RPS6KB1: variants seen among roughly 807,000 people sequenced by gnomAD.
RPS6KB1 encodes ribosomal protein S6 kinase B1, also known as ribosomal protein S6 kinase beta-1.
In RPS6KB1, 12 loss-of-function variants were observed where a neutral mutation model predicts 70.2. The ratio of observed to expected loss-of-function variants is 0.17; its 90% CI spans 0.11 to 0.28. RPS6KB1 has a LOEUF of 0.28. Ranked by LOEUF, RPS6KB1 falls within the 10% of genes least tolerant of loss-of-function variation. RPS6KB1 has a pLI of 1.00. For missense variants in RPS6KB1, 270 were observed against 646.6 expected, an observed-to-expected ratio of 0.42 and a Z score of 6.32; for synonymous variants, 175 against 211.2, an observed-to-expected ratio of 0.83 and a Z score of 1.49.
At chr17:59,903,218 T>G (rs2042061595) in intron 1 of RPS6KB1, among the ~76,000 whole-genome samples, 1 of 151,598 alleles carries the variant, frequency 6.6e-6, no homozygotes, top group South Asian at 2.1e-4. Context: ...AGGCAAAGAA[T>G]TGCTTGAACC....
intron 10 of RPS6KB1, 58 bp from the exon 11 acceptor site, chr17:59,936,157 A>G (rs2044223025): frequency 2.5e-6 from 2 of 789,452 alleles, no homozygotes; most frequent in African/African-American, 1.9e-5. Context: ...TCTAAAAAGG[A>G]AAAAAAAAAA....
chr17:59,930,412 C>T (rs779316106), intron 6 of RPS6KB1: 7 of 395,192 alleles, frequency 1.8e-5, no homozygotes, highest in Admixed American at 8.7e-5. Flanking sequence ...ATTCTCATTG[C>T]GGCTTTCTTT....
In RPS6KB1 at chr17:59,950,009, A is replaced by G. The variant is rs2145101816; in HGVS notation, c.*3221A>G. 6.5e-6 allele frequency: 1 copy of G among 152,706 alleles called. No individual in the cohort carries two copies. Among genetic ancestry groups the G allele is most frequent in the East Asian group, 1.9e-4 (1 of 5,196 alleles). 9.5% of individuals were successfully genotyped at this position (152,706 alleles called of 1,614,324 possible). On this transcript the variant is annotated 3_prime_UTR_variant, in exon 15 of 15. Transcript: ENST00000225577. Reference sequence around the variant, plus strand: ...AGGCTTTGAAAATGGTTAATTTCTCAAAAACATCAATGTCCAAACATCTAC... The same window carrying G: ...AGGCTTTGAAAATGGTTAATTTCTCGAAAACATCAATGTCCAAACATCTAC...
intron 5 of RPS6KB1, among the ~76,000 whole-genome samples, chr17:59,929,134 G>GTT (rs768166469): frequency 2.9e-5 from 4 of 140,292 alleles, no homozygotes; most frequent in Non-Finnish European, 4.7e-5. Flanking sequence ...CAGTTTTGTT[G>GTT]TTTTTTTTTT....
At chr17:59,895,494 T>C (rs1417986254) in intron 1 of RPS6KB1, among the ~76,000 whole-genome samples, 1 of 151,466 alleles carries the variant, frequency 6.6e-6, no homozygotes, top group Non-Finnish European at 1.5e-5. Flanking sequence ...GCTACTTTTT[T>C]TGTATTTTAG....
At chr17:59,902,775 G>A (rs1291502047) in intron 1 of RPS6KB1, among the ~76,000 whole-genome samples, 2 of 152,042 alleles carry the variant, frequency 1.3e-5, no homozygotes, top group South Asian at 2.1e-4. Context: ...TGGGGGTCTC[G>A]TGATTTTGTC....
intron 4 of RPS6KB1, among the ~76,000 whole-genome samples, chr17:59,918,053 C>T (rs1006397461): frequency 6.6e-6 from 1 of 151,898 alleles, no homozygotes; most frequent in Non-Finnish European, 1.5e-5. Context: ...CCTGCCTCAG[C>T]CTCCCGAGTA....
intron 1 of RPS6KB1, among the ~76,000 whole-genome samples, chr17:59,905,104 C>G (rs868622501): frequency 1.2e-4 from 19 of 152,076 alleles, no homozygotes; most frequent in African/African-American, 4.6e-4. Flanking sequence ...GCAGCCTTGA[C>G]CTCTTGGACT....
intron 1 of RPS6KB1, among the ~76,000 whole-genome samples, chr17:59,906,512 A>G (rs543164621): frequency 4.9e-4 from 74 of 152,014 alleles, no homozygotes; most frequent in Middle Eastern, 3.4e-3. Flanking sequence ...ACAAGCATGG[A>G]TGACCACTCC....
At chr17:59,902,234 A>T (rs901106382) in intron 1 of RPS6KB1, among the ~76,000 whole-genome samples, 1 of 149,864 alleles carries the variant, frequency 6.7e-6, no homozygotes, top group Non-Finnish European at 1.5e-5. Flanking sequence ...CCTCCTGAGT[A>T]GCTGGGACCA....
At chr17:59,899,815 G>A (rs999784777) in intron 1 of RPS6KB1, among the ~76,000 whole-genome samples, 10 of 152,026 alleles carry the variant, frequency 6.6e-5, no homozygotes, top group Non-Finnish European at 1.5e-4. Context: ...CCATGAGTGA[G>A]TTATGACTAA....
intron 1 of RPS6KB1, among the ~76,000 whole-genome samples, chr17:59,895,742 C>T (rs559473574): frequency 3.7e-4 from 56 of 152,232 alleles, no homozygotes; most frequent in African/African-American, 1.2e-3. Context: ...AAGCGATTCT[C>T]GTGCCTCAGC....
chr17:59,943,381 T>TC (rs1394247911), intron 13 of RPS6KB1, among the ~76,000 whole-genome samples: 1 of 152,100 alleles, frequency 6.6e-6, no homozygotes, highest in African/African-American at 2.4e-5. Flanking sequence ...GTGACAGTTT[T>TC]CCCCCCACAA....
chr17:59,910,197 A>G (rs926460207), intron 1 of RPS6KB1, among the ~76,000 whole-genome samples: 3 of 151,616 alleles, frequency 2.0e-5, no homozygotes, highest in African/African-American at 4.8e-5. Context: ...AAAAAAGAAA[A>G]AAAAAAAAAA....
chr17:59,915,136 A>G (rs990726657), intron 4 of RPS6KB1, among the ~76,000 whole-genome samples: 1 of 151,356 alleles, frequency 6.6e-6, no homozygotes, highest in Admixed American at 6.6e-5. Flanking sequence ...CTACAGGTGC[A>G]TGCTGCCACG....
intron 10 of RPS6KB1, 56 bp downstream of exon 10, chr17:59,935,356 A>G: frequency 1.1e-6 from 1 of 927,278 alleles, no homozygotes; most frequent in Non-Finnish European, 1.7e-6. Context: ...GGATTTAACT[A>G]GATAGAATTT....
intron 13 of RPS6KB1, among the ~76,000 whole-genome samples, chr17:59,941,923 A>G (rs1598830470): frequency 6.6e-6 from 1 of 150,616 alleles, no homozygotes; most frequent in East Asian, 2.0e-4. Flanking sequence ...CAGTGGCGCA[A>G]TCTCAGCTCA....
At chr17:59,941,042 A>G in intron 13 of RPS6KB1, 99 bp downstream of exon 13, 1 of 641,560 alleles carries the variant, frequency 1.6e-6, no homozygotes, top group Non-Finnish European at 2.7e-6. Flanking sequence ...TCATGTAGGT[A>G]ACCTGGCCCA....
intron 1 of RPS6KB1, among the ~76,000 whole-genome samples, chr17:59,897,493 AT>A (rs148559282): frequency 0.013 from 2,044 of 151,718 alleles, 37 homozygotes; most frequent in African/African-American, 0.046. Context: ...CATAGTGTGT[AT>A]TTTTTTTTAA....
Sources: gnomAD v4.1 joint callset for allele counts (sites outside exome capture counted in the v4.1 genomes callset) on GRCh38, gnomAD v4.1.1 for gene constraint, MANE v1.5 for transcripts, NCBI Gene and HGNC (gene_info 2026-07-23, HGNC 2026-07-21) for gene names.